Variants in PTPN11 observed in about 807,000 individuals in gnomAD.
PTPN11 encodes tyrosine-protein phosphatase non-receptor type 11.
Under a neutral mutation model 78.8 loss-of-function variants are expected in PTPN11, and 6 were observed. The observed-to-expected ratio is 0.08, with a 90% CI of 0.04 to 0.15. The LOEUF (loss-of-function observed/expected upper bound fraction) is 0.15. PTPN11 is among the 10% of genes least tolerant of loss of function. The pLI is 1.00. For synonymous variants in PTPN11, 221 were observed against 263.5 expected, an observed-to-expected ratio of 0.84 and a Z score of 1.56; for missense variants, 386 against 744.8, an observed-to-expected ratio of 0.52 and a Z score of 5.61.
At chr12:112,429,149 A>G (rs760609613) in intron 1 of PTPN11, among the ~76,000 whole-genome samples, 1 of 152,200 alleles carries the variant, frequency 6.6e-6, no homozygotes, top group Non-Finnish European at 1.5e-5. Context: ...ACAATTGCCT[A>G]TGTGAAACTA....
intron 13 of PTPN11, among the ~76,000 whole-genome samples, chr12:112,492,258 G>A (rs1000547571): frequency 6.6e-6 from 1 of 152,052 alleles, no homozygotes; most frequent in South Asian, 2.1e-4. Context: ...CATTACTAGT[G>A]GTGTTAACTT....
intron 13 of PTPN11, among the ~76,000 whole-genome samples, chr12:112,497,135 G>C (rs983935848): frequency 4.1e-5 from 6 of 146,278 alleles, no homozygotes; most frequent in Admixed American, 3.5e-4. Flanking sequence ...TTGAGCCACT[G>C]CACTCCAGTC....
chr12:112,431,601 G>A (rs574190887), intron 1 of PTPN11, among the ~76,000 whole-genome samples: 2 of 152,222 alleles, frequency 1.3e-5, no homozygotes, highest in South Asian at 4.1e-4. Flanking sequence ...TAAAAGCTGC[G>A]TGTACCAACT....
chr12:112,488,622 A>G (rs146145699), intron 12 of PTPN11, 112 bp downstream of exon 12: 2 of 1,137,558 alleles, frequency 1.8e-6, no homozygotes, highest in East Asian at 2.4e-5. Flanking sequence ...TTCTTTCACA[A>G]AAATCTGGGC....
intron 1 of PTPN11, among the ~76,000 whole-genome samples, chr12:112,439,810 A>G (rs966057109): frequency 6.6e-6 from 1 of 151,814 alleles, no homozygotes; most frequent in African/African-American, 2.4e-5. Context: ...AACAAAAAAA[A>G]AAACCCAAAC....
At chr12:112,492,544 G>A (rs1213422436) in intron 13 of PTPN11, among the ~76,000 whole-genome samples, 7 of 150,192 alleles carry the variant, frequency 4.7e-5, no homozygotes, top group African/African-American at 1.7e-4. Context: ...TTGAGATGGA[G>A]TCTCGCACCG....
chr12:112,472,929 T>C lies in PTPN11; in HGVS notation c.757-15T>C. 6.3e-7 allele frequency: 1 copy of C among 1,588,034 alleles called. No individual in the cohort carries two copies. The highest frequency in any genetic ancestry group is 1.1e-5 in the South Asian group (1 of 90,500). On this transcript the variant is annotated splice_polypyrimidine_tract_variant and intron_variant, in intron 6 of 15. Coordinates refer to ENST00000351677, the MANE Select transcript of PTPN11 (RefSeq NM_002834.5). ...TCTTTGACACGTAATAATATTGACT[T>C]TTCTTTCTTTCCAGACACTACAACA...
chr12:112,502,615 C>T (rs1019511253), intron 14 of PTPN11, among the ~76,000 whole-genome samples: 1 of 152,006 alleles, frequency 6.6e-6, no homozygotes, highest in African/African-American at 2.4e-5. Context: ...GGCATGGTGG[C>T]GCATGCCTGT....
intron 1 of PTPN11, among the ~76,000 whole-genome samples, chr12:112,423,563 GGCATGAGC>G (rs927155964): frequency 6.6e-6 from 1 of 152,024 alleles, no homozygotes; most frequent in African/African-American, 2.4e-5. Context: ...TGGGATTATA[GGCATGAGC>G]TACCACACAA....
intron 1 of PTPN11, among the ~76,000 whole-genome samples, chr12:112,435,220 A>G (rs1309152806): frequency 6.6e-6 from 1 of 151,852 alleles, no homozygotes; most frequent in Non-Finnish European, 1.5e-5. Context: ...GGGTTTCCCT[A>G]CGTTGCCCAG....
At chr12:112,488,884 C>T in intron 12 of PTPN11, 140 bp from the exon 13 acceptor site, 1 of 1,230,630 alleles carries the variant, frequency 8.1e-7, no homozygotes. Flanking sequence ...AAGTTCAACA[C>T]TGTAGCCATT....
intron 1 of PTPN11, among the ~76,000 whole-genome samples, chr12:112,427,955 T>C (rs183354985): frequency 6.6e-6 from 1 of 152,284 alleles, no homozygotes; most frequent in African/African-American, 2.4e-5. Context: ...CTTGCTATGC[T>C]GTCCAGGCTG....
chr12:112,477,110 G>A (rs1396349942), intron 7 of PTPN11, among the ~76,000 whole-genome samples: 5 of 151,774 alleles, frequency 3.3e-5, no homozygotes, highest in Admixed American at 2.6e-4. Flanking sequence ...TCCGCCTCTC[G>A]GGTTCAAGCG....
intron 6 of PTPN11, among the ~76,000 whole-genome samples, chr12:112,468,659 G>A (rs371976450): frequency 5.3e-5 from 8 of 152,302 alleles, no homozygotes; most frequent in African/African-American, 1.9e-4. Context: ...GGATGCAGGG[G>A]TGCCTCTCCT....
intron 1 of PTPN11, among the ~76,000 whole-genome samples, chr12:112,444,149 G>C (rs1377502726): frequency 6.6e-6 from 1 of 152,094 alleles, no homozygotes; most frequent in Non-Finnish European, 1.5e-5. Context: ...GTCCTTTAGT[G>C]ACTGGCTTAG....
At chr12:112,478,129 G>A in intron 9 of PTPN11, 114 bp downstream of exon 9, 1 of 1,194,912 alleles carries the variant, frequency 8.4e-7, no homozygotes, top group Non-Finnish European at 1.2e-6. Flanking sequence ...CTGATTCTCT[G>A]GAAAAAAGGG....
intron 6 of PTPN11, among the ~76,000 whole-genome samples, chr12:112,459,827 C>A (rs1250775985): frequency 6.6e-6 from 1 of 151,616 alleles, no homozygotes; most frequent in Admixed American, 6.6e-5. Context: ...AAAATTATAA[C>A]CTGAATAGCA....
rs566046406 is a variant in PTPN11, at chr12:112,439,167, C to G, written c.15-7109C>G. On this transcript the variant is annotated intron_variant, in intron 1 of 15. Transcript: ENST00000351677. Reference sequence around the variant, plus strand: ...GGTCACAGAGAGCTGGGCTTCAGACCAAGACAATCTGGCACCAGAGTCTAT... The same window carrying G: ...GGTCACAGAGAGCTGGGCTTCAGACGAAGACAATCTGGCACCAGAGTCTAT... 2.6e-5 allele frequency among the ~76,000 whole-genome samples: 4 copies of G among 152,258 alleles called. No homozygotes were observed. The South Asian group carries it at 8.3e-4, about 32-fold the overall frequency.
chr12:112,475,164 A>G (rs1366381706), intron 7 of PTPN11, among the ~76,000 whole-genome samples: 3 of 152,162 alleles, frequency 2.0e-5, no homozygotes, highest in Non-Finnish European at 4.4e-5. Context: ...TTCCTAGACC[A>G]TTTTAGCAAG....
Sources: gnomAD v4.1 joint callset for allele counts (sites outside exome capture counted in the v4.1 genomes callset) on GRCh38, gnomAD v4.1.1 for gene constraint, MANE v1.5 for transcripts, NCBI Gene and HGNC (gene_info 2026-07-23, HGNC 2026-07-21) for gene names.